Variants in WLS observed in about 807,000 individuals in gnomAD.
The protein encoded by WLS is Wnt ligand secretion mediator.
WLS carries 23 observed loss-of-function variants against 62.8 expected under a neutral mutation model. The ratio of observed to expected loss-of-function variants is 0.37; its 90% confidence interval spans 0.26 to 0.52. The LOEUF is 0.52. WLS is among the 20% of genes least tolerant of loss of function. The pLI is 0.92. For synonymous variants in WLS, 246 were observed against 244.1 expected, an observed-to-expected ratio of 1.01 and a Z score of -0.07; for missense variants, 615 against 697.3, an observed-to-expected ratio of 0.88 and a Z score of 1.33.
chr1:68,105,614 A>AT (rs1358823198), intron 11 of WLS, among the ~76,000 whole-genome samples: 2 of 152,170 alleles, frequency 1.3e-5, no homozygotes, highest in Non-Finnish European at 2.9e-5. Context: ...AGGCATCTTG[A>AT]TTTTCTCTCT....
intron 6 of WLS, among the ~76,000 whole-genome samples, 188 bp downstream of exon 6, chr1:68,150,000 C>G (rs1376128075): frequency 6.6e-6 from 1 of 152,200 alleles, no homozygotes; most frequent in Non-Finnish European, 1.5e-5. Context: ...CCTAAAGCCA[C>G]TCAGCTGGTC....
chr1:68,166,550 AAC>A (rs1020960231), intron 2 of WLS, among the ~76,000 whole-genome samples: 1 of 152,162 alleles, frequency 6.6e-6, no homozygotes, highest in African/African-American at 2.4e-5. Context: ...AAAACAAACA[AAC>A]ACAGTAGAAT....
rs543166318 is a variant in WLS, at chr1:68,179,712, G to T, written c.379+14243C>A. On this transcript the variant is annotated intron_variant, in intron 2 of 11. Transcript: ENST00000262348. The stretch of plus-strand genomic sequence containing the variant: ...GTCAGGAGGAAAGTCAACTCTTATA[G>T]TCTATTGTAATTACACTAATAGTCT... Among the ~76,000 whole-genome samples the T allele has an allele frequency of 7.2e-5, 11 of 152,228 alleles. No homozygotes were observed. In the South Asian group the frequency reaches 2.3e-3, roughly 32 times the overall value.
intron 1 of WLS, chr1:68,228,141 G>T (rs1048672249): frequency 8.3e-6 from 3 of 360,204 alleles, no homozygotes; most frequent in Non-Finnish European, 1.6e-5. Context: ...ATTTAAAAAG[G>T]CCACTCACAT....
chr1:68,136,359 A>G (rs1336035239), intron 11 of WLS, among the ~76,000 whole-genome samples: 2 of 152,198 alleles, frequency 1.3e-5, no homozygotes, highest in Non-Finnish European at 2.9e-5. Flanking sequence ...AAAGGCACAG[A>G]TGACTCATCT....
intron 2 of WLS, among the ~76,000 whole-genome samples, chr1:68,167,760 T>C (rs1222749823): frequency 6.6e-6 from 1 of 152,184 alleles, no homozygotes; most frequent in East Asian, 1.9e-4. Context: ...CAAATAGCTT[T>C]GGAGACATAT....
At chr1:68,139,911 TAA>T (rs1162254390) in intron 10 of WLS, among the ~76,000 whole-genome samples, 2 of 152,238 alleles carry the variant, frequency 1.3e-5, no homozygotes, top group Non-Finnish European at 1.5e-5. Flanking sequence ...TAATTGAATT[TAA>T]AAGTGAGAGG....
In WLS at chr1:68,125,781, C is replaced by G; in HGVS notation, c.*445G>C. 1 of 992,716 alleles carries G rather than the reference C, an allele frequency of 1.0e-6. No homozygotes were observed. Among genetic ancestry groups the G allele is most frequent in the Non-Finnish European group, 1.2e-6 (1 of 834,438 alleles). The allele number at this position is 992,716 out of a possible 1,614,324, so 61.5% of individuals were successfully genotyped here. On this transcript the variant is annotated 3_prime_UTR_variant, in exon 12 of 12. Coordinates refer to ENST00000262348, the MANE Select transcript of WLS (RefSeq NM_024911.7). Reference sequence around the variant, plus strand: ...TGGTCATGGATTAGGAGTGAGAAGACTATGACACCAGCCTACCTTGGACTG... The same window carrying G: ...TGGTCATGGATTAGGAGTGAGAAGAGTATGACACCAGCCTACCTTGGACTG...
In WLS at chr1:68,155,375, AC is replaced by A; in HGVS notation, c.505-116del. ...GTAAGCAGCTAATGCTTAAAGGTAC[AC>A]TTTAGACGTACAGAGTAACAATGCA... On this transcript the variant is annotated intron_variant, in intron 3 of 11. Coordinates refer to ENST00000262348, the MANE Select transcript of WLS (RefSeq NM_024911.7). 2.3e-6 allele frequency: 3 copies of A among 1,288,036 alleles called. No homozygotes were observed. The East Asian group carries it at 7.6e-5, about 33-fold the overall frequency. The allele number at this position is 1,288,036 out of a possible 1,614,324, so 79.8% of individuals were successfully genotyped here.
intron 1 of WLS, among the ~76,000 whole-genome samples, chr1:68,222,778 C>G (rs540771268): frequency 1.1e-4 from 16 of 152,090 alleles, no homozygotes; most frequent in Middle Eastern, 6.8e-3. Flanking sequence ...GGACAAACAC[C>G]ACCAAAGTGT....
chr1:68,116,270 G>A (rs1206792551), intron 11 of WLS, among the ~76,000 whole-genome samples: 4 of 152,200 alleles, frequency 2.6e-5, no homozygotes, highest in Non-Finnish European at 5.9e-5. Flanking sequence ...ACAATCAGCA[G>A]GGCCCGTGTA....
In WLS at chr1:68,195,842, T is replaced by C. The variant is rs148733751; in HGVS notation, c.107-1615A>G. Among the ~76,000 whole-genome samples, 9 of 152,194 alleles carry C rather than the reference T, an allele frequency of 5.9e-5. No homozygotes were observed. The East Asian group carries it at 1.7e-3, about 29-fold the overall frequency. Reference sequence around the variant, plus strand: ...TTCTAATATTTAAACAGTTGATCCATCTGAAAATTGCTATAAGAGATGCAG... The same window carrying C: ...TTCTAATATTTAAACAGTTGATCCACCTGAAAATTGCTATAAGAGATGCAG... On this transcript the variant is annotated intron_variant, in intron 1 of 11. Coordinates refer to ENST00000262348, the MANE Select transcript of WLS (RefSeq NM_024911.7).
chr1:68,142,184 C>T (rs748577064), intron 10 of WLS, among the ~76,000 whole-genome samples: 2 of 152,320 alleles, frequency 1.3e-5, no homozygotes, highest in Middle Eastern at 3.4e-3. Context: ...TCCTTCTTGA[C>T]TTCAGGTGGG....
chr1:68,134,855 G>A lies in WLS; in HGVS notation c.1516+2925C>T, dbSNP rs575801154. Among the ~76,000 whole-genome samples, 13 of 152,350 alleles carry A rather than the reference G, an allele frequency of 8.5e-5. No individual in the cohort carries two copies. The East Asian group carries it at 2.5e-3, about 29-fold the overall frequency. ...TTTCAAGCCTAGGAGACTGGCTACTGTGTAGGGTGGGAAGTCCTGATGGGA... is the reference window on the plus strand; with the variant it reads ...TTTCAAGCCTAGGAGACTGGCTACTATGTAGGGTGGGAAGTCCTGATGGGA... On this transcript the variant is annotated intron_variant, in intron 11 of 11. Coordinates refer to ENST00000262348, the MANE Select transcript of WLS (RefSeq NM_024911.7).
At chr1:68,221,561 G>A (rs1050727860) in intron 1 of WLS, among the ~76,000 whole-genome samples, 2 of 152,070 alleles carry the variant, frequency 1.3e-5, no homozygotes, top group African/African-American at 4.8e-5. Flanking sequence ...TCTGCTCTGG[G>A]GCAAATTACA....
chr1:68,149,464 G>T (rs1646796577), intron 6 of WLS, among the ~76,000 whole-genome samples: 1 of 152,186 alleles, frequency 6.6e-6, no homozygotes, highest in African/African-American at 2.4e-5. Context: ...TGGAAGGGCA[G>T]CAGGACTTGA....
Position 68,126,027 on chromosome 1 carries a change from A to G in WLS, c.*199T>C. ...GAGTTTTTGTTATCATACACAATGC[A>G]TTAGTGGCTGCAGGAATCTTCCTCC... On this transcript the variant is annotated 3_prime_UTR_variant, in exon 12 of 12. Transcript: ENST00000262348. The G allele has an allele frequency of 1.4e-6, 2 of 1,426,956 alleles. No individual in the cohort carries two copies. Among genetic ancestry groups the G allele is most frequent in the South Asian group, 3.1e-5 (2 of 63,600 alleles). 88.4% of individuals were successfully genotyped at this position (1,426,956 alleles called of 1,614,324 possible).
At chr1:68,190,437 G>A (rs1240246391) in intron 2 of WLS, among the ~76,000 whole-genome samples, 1 of 152,234 alleles carries the variant, frequency 6.6e-6, no homozygotes, top group Non-Finnish European at 1.5e-5. Flanking sequence ...CTAACCAACA[G>A]AATACAGCAG....
Position 68,182,858 on chromosome 1 carries a change from T to G in WLS, c.379+11097A>C, listed in dbSNP as rs547073493. 5.5e-4 allele frequency among the ~76,000 whole-genome samples: 84 copies of G among 152,342 alleles called. 1 individual carries two copies. The highest frequency in any genetic ancestry group is 2.4e-3 in the Admixed American group (37 of 15,302). On this transcript the variant is annotated intron_variant, in intron 2 of 11. Transcript: ENST00000262348. ...AGAAACTTAAAAGGTAACTTTAAAA[T>G]TCTAGTGACACTAGCCAACAATGAA...
Sources: gnomAD v4.1 joint callset for allele counts (sites outside exome capture counted in the v4.1 genomes callset) on GRCh38, gnomAD v4.1.1 for gene constraint, MANE v1.5 for transcripts, NCBI Gene and HGNC (gene_info 2026-07-23, HGNC 2026-07-21) for gene names.